Variants in ATP2B2 observed in about 807,000 individuals in gnomAD.
ATP2B2 encodes the protein ATPase plasma membrane Ca2+ transporting 2.
ATP2B2 carries 15 observed loss-of-function variants against 120.0 expected under a neutral mutation model. The observed-to-expected ratio is 0.12, with a 90% confidence interval of 0.08 to 0.19. ATP2B2 has a LOEUF of 0.19. Ranked by LOEUF, ATP2B2 falls within the 10% of genes least tolerant of loss-of-function variation. ATP2B2 has a pLI of 1.00. For synonymous variants in ATP2B2, 694 were observed against 700.3 expected (o/e 0.99, Z 0.14); for missense variants, 1,045 against 1,719.8 (o/e 0.61, Z 6.94).
intron 2 of ATP2B2, among the ~76,000 whole-genome samples, chr3:10,554,441 A>G (rs2067736198): frequency 6.6e-6 from 1 of 152,234 alleles, no homozygotes; most frequent in African/African-American, 2.4e-5. Context: ...ATCACCCTGG[A>G]TGATCTGGGT....
At chr3:10,632,975 A>G (rs552186603) in intron 1 of ATP2B2, among the ~76,000 whole-genome samples, 180 of 152,338 alleles carry the variant, frequency 1.2e-3, no homozygotes, top group Non-Finnish European at 2.2e-3. Flanking sequence ...AGGGGGGCAC[A>G]TCTCTGTGTG....
chr3:10,565,388 G>T (rs75324165), intron 2 of ATP2B2, among the ~76,000 whole-genome samples: 11 of 152,154 alleles, frequency 7.2e-5, no homozygotes, highest in African/African-American at 2.7e-4. Context: ...CCCATCTCTC[G>T]CGTGGGCTTA....
chr3:10,552,029 C>G (rs903621723), intron 2 of ATP2B2, among the ~76,000 whole-genome samples: 3 of 152,208 alleles, frequency 2.0e-5, no homozygotes, highest in Non-Finnish European at 4.4e-5. Context: ...ACACTGATTC[C>G]GAACAATGTC....
At chr3:10,609,638 G>C (rs2069176568) in intron 2 of ATP2B2, among the ~76,000 whole-genome samples, 1 of 152,150 alleles carries the variant, frequency 6.6e-6, no homozygotes, top group African/African-American at 2.4e-5. Context: ...GGTAACTGAG[G>C]GTTAACCCTT....
At chr3:10,607,877 G>A (rs930845076) in intron 2 of ATP2B2, among the ~76,000 whole-genome samples, 3 of 152,148 alleles carry the variant, frequency 2.0e-5, no homozygotes, top group Non-Finnish European at 4.4e-5. Flanking sequence ...AGGGGTCTAG[G>A]GGGGTGATAC....
chr3:10,410,847 G>A (rs779698305), intron 2 of ATP2B2, 32 bp from the exon 3 acceptor site: 1 of 1,608,108 alleles, frequency 6.2e-7, no homozygotes, highest in Non-Finnish European at 8.5e-7. Context: ...GTTGGCTGGG[G>A]GCCTGGGAGA....
At chr3:10,410,300 T>C (rs958148125) in intron 3 of ATP2B2, among the ~76,000 whole-genome samples, 9 of 152,276 alleles carry the variant, frequency 5.9e-5, no homozygotes, top group South Asian at 4.1e-4. Context: ...AAATGGGCAT[T>C]ACCATGGCAG....
intron 6 of ATP2B2, 49 bp downstream of exon 6, chr3:10,388,228 A>C (rs776733268): frequency 6.2e-7 from 1 of 1,612,966 alleles, no homozygotes; most frequent in South Asian, 1.1e-5. Flanking sequence ...CAAAAAAAAA[A>C]TGTGGCCTTA....
intron 22 of ATP2B2, among the ~76,000 whole-genome samples, chr3:10,332,951 C>T (rs1000524311): frequency 3.9e-5 from 6 of 152,162 alleles, no homozygotes; most frequent in Admixed American, 6.5e-5. Context: ...AAAACAACCT[C>T]GTTTTTGAGT....
chr3:10,349,716 A>G (rs2060523217), intron 16 of ATP2B2, among the ~76,000 whole-genome samples: 1 of 152,058 alleles, frequency 6.6e-6, no homozygotes, highest in Admixed American at 6.5e-5. Context: ...GTATCAGACA[A>G]CAAGCAGCAG....
intron 1 of ATP2B2, among the ~76,000 whole-genome samples, chr3:10,641,359 C>T (rs1285344963): frequency 6.6e-6 from 1 of 152,142 alleles, no homozygotes; most frequent in African/African-American, 2.4e-5. Context: ...GTGGGGACTG[C>T]TGCAAATGGA....
chr3:10,555,019 C>T (rs1304537827), intron 2 of ATP2B2, among the ~76,000 whole-genome samples: 1 of 152,188 alleles, frequency 6.6e-6, no homozygotes, highest in East Asian at 1.9e-4. Flanking sequence ...TTCTTGGGCA[C>T]AGGCAGGTCA....
At chr3:10,513,428 T>C (rs1350202693) in intron 3 of ATP2B2, among the ~76,000 whole-genome samples, 1 of 152,204 alleles carries the variant, frequency 6.6e-6, no homozygotes, top group African/African-American at 2.4e-5. Context: ...TGTGGACCAC[T>C]GTACAGATTT....
intron 1 of ATP2B2, among the ~76,000 whole-genome samples, chr3:10,500,730 T>G (rs1173242935): frequency 6.6e-6 from 1 of 152,216 alleles, no homozygotes; most frequent in African/African-American, 2.4e-5. Flanking sequence ...TCTAGACTTC[T>G]GGCTTCCAGA....
At chr3:10,388,682 T>C (rs1235657862) in intron 5 of ATP2B2, among the ~76,000 whole-genome samples, 1 of 152,178 alleles carries the variant, frequency 6.6e-6, no homozygotes, top group African/African-American at 2.4e-5. Context: ...GGTCACTTCC[T>C]CCTTCTGTCT....
rs1000766007 is a variant in ATP2B2, at chr3:10,325,848, A to G, written c.*2966T>C. 6.6e-6 allele frequency: 1 copy of G among 152,194 alleles called. No homozygotes were observed. The highest frequency in any genetic ancestry group is 1.5e-5 in the Non-Finnish European group (1 of 68,040). 9.4% of individuals were successfully genotyped at this position (152,194 alleles called of 1,614,324 possible). A position where few individuals can be genotyped will look rare whatever the true frequency, so the allele number is the denominator to read the frequency against. ...TTGGTGAGCTTAGCTCTCAGAACCA[A>G]ATCTGCCACTTACTCCTGGAGCCCT... is the stretch of plus-strand genomic sequence containing the variant. On this transcript the variant is annotated 3_prime_UTR_variant, in exon 23 of 23. Coordinates refer to ENST00000360273, the MANE Select transcript of ATP2B2 (RefSeq NM_001001331.4).
chr3:10,647,831 G>T (rs1268150209), intron 1 of ATP2B2, among the ~76,000 whole-genome samples: 2 of 152,170 alleles, frequency 1.3e-5, no homozygotes, highest in Non-Finnish European at 2.9e-5. Context: ...AAACTCCATG[G>T]GCAAAGTCCA....
At chr3:10,546,226 C>A (rs2067542978) in intron 2 of ATP2B2, among the ~76,000 whole-genome samples, 2 of 152,180 alleles carry the variant, frequency 1.3e-5, no homozygotes, top group Admixed American at 6.5e-5. Context: ...CAACTGCCCC[C>A]TGGAGCTGGG....
chr3:10,428,021 T>C (rs1211709406), intron 2 of ATP2B2, among the ~76,000 whole-genome samples: 2 of 152,222 alleles, frequency 1.3e-5, no homozygotes, highest in Non-Finnish European at 2.9e-5. Context: ...AAATCCTTCA[T>C]GTGTTCTATT....
Sources: gnomAD v4.1 joint callset for allele counts (sites outside exome capture counted in the v4.1 genomes callset) on GRCh38, gnomAD v4.1.1 for gene constraint, MANE v1.5 for transcripts, NCBI Gene and HGNC (gene_info 2026-07-23, HGNC 2026-07-21) for gene names.